Variants in SHISA7 observed in about 807,000 individuals in gnomAD.
SHISA7 encodes the protein protein shisa-7.
SHISA7 carries 6 observed loss-of-function variants against 23.9 expected under a neutral mutation model. The ratio of observed to expected loss-of-function variants is 0.25; its 90% CI spans 0.14 to 0.50. The LOEUF (loss-of-function observed/expected upper bound fraction) is 0.50, where lower values mean the gene tolerates loss of function less well. Ranked by LOEUF, SHISA7 falls within the 20% of genes least tolerant of loss-of-function variation. SHISA7 has a pLI of 0.98. For missense variants in SHISA7, 671 were observed against 801.1 expected, an observed-to-expected ratio of 0.84 and a Z score of 1.96; for synonymous variants, 386 against 398.3, an observed-to-expected ratio of 0.97 and a Z score of 0.37.
Position 55,430,833 on chromosome 19 carries a change from G to A in SHISA7, c.*2323C>T, listed in dbSNP as rs1568449107. On this transcript the variant is annotated 3_prime_UTR_variant, in exon 4 of 4. Transcript: ENST00000376325. ...TGGGAGAAGATGACACCAGGGTTAT[G>A]GTGGATACTAGTGGATGGTGACAGA... is the stretch of plus-strand genomic sequence containing the variant. 6.7e-6 allele frequency: 1 copy of A among 148,868 alleles called. No homozygotes were observed. The highest frequency in any genetic ancestry group is 2.0e-4 in the East Asian group (1 of 4,958). 9.2% of individuals were successfully genotyped at this position (148,868 alleles called of 1,614,324 possible).
chr19:55,442,282 G>A lies in SHISA7; in HGVS notation c.582C>T (p.Ser194=). ...STAYVVCGVI[S]FALAVGVGAK... is the part of the protein sequence containing the mutation. ...CGCCGACGCCCACGGCCAGGGCGAA[G>A]CTGATGACCCCGCACACGACGTAGG... The change falls in exon 1 of 4, where the codon AGC becomes AGT. Residue 194 remains serine (S), a synonymous_variant. Transcript: ENST00000376325. 6.5e-7 allele frequency: 1 copy of A among 1,533,158 alleles called. No individual in the cohort carries two copies. Among genetic ancestry groups the A allele is most frequent in the Middle Eastern group, 1.7e-4 (1 of 5,972 alleles). 95.0% of individuals were successfully genotyped at this position (1,533,158 alleles called of 1,614,324 possible). A position where few individuals can be genotyped will look rare whatever the true frequency, so the allele number is the denominator to read the frequency against.
intron 1 of SHISA7, among the ~76,000 whole-genome samples, chr19:55,441,744 A>G (rs1188917897): frequency 2.0e-5 from 3 of 152,254 alleles, no homozygotes; most frequent in Non-Finnish European, 2.9e-5. Context: ...CAACTCAGTT[A>G]ATTACAATCC....
chr19:55,433,400 G>C lies in SHISA7; in HGVS notation c.1373C>G (p.Pro458Arg). 3.8e-6 allele frequency: 5 copies of C among 1,326,114 alleles called. No homozygotes were observed. Among genetic ancestry groups the C allele is most frequent in the Non-Finnish European group, 4.8e-6 (5 of 1,046,582 alleles). The allele number at this position is 1,326,114 out of a possible 1,614,324, so 82.1% of individuals were successfully genotyped here. Residue 458 changes from proline to arginine, a missense_variant, in exon 4 of 4, where the codon CCC becomes CGC. Around this residue, in one of 5 missense-constraint regions of SHISA7, gnomAD observed 457 missense variants for 488.3 expected, o/e 0.94. Coordinates refer to ENST00000376325, the MANE Select transcript of SHISA7 (RefSeq NM_001145176.2). The surrounding 1 kb of genome is among the most constrained non-coding windows in gnomAD (Gnocchi z 8.4). ...AASHSNLLLG[P>R]GGPPTPLRGL... The stretch of plus-strand genomic sequence containing the variant: ...GCGCAGCGGTGTTGGGGGCCCCCCG[G>C]GCCCCAGCAGCAGGTTGGAGTGCGA...
chr19:55,435,335 T>G (rs1985424879), intron 3 of SHISA7, among the ~76,000 whole-genome samples: 1 of 129,932 alleles, frequency 7.7e-6, no homozygotes, highest in Non-Finnish European at 1.6e-5. Context: ...GTGTGTGGTG[T>G]GTGTGTATGG....
rs1985208711 is a variant in SHISA7, at chr19:55,431,554, G to A, written c.*1602C>T. 6.6e-6 allele frequency: 1 copy of A among 152,108 alleles called. No individual in the cohort carries two copies. The highest frequency in any genetic ancestry group is 6.5e-5 in the Admixed American group (1 of 15,276). The allele number at this position is 152,108 out of a possible 1,614,324, so 9.4% of individuals were successfully genotyped here. The stretch of plus-strand genomic sequence containing the variant: ...TGGAAGAAGATGATACCATAGTTGT[G>A]GGTCATAGGTAATCCTGGGGAAGGA... On this transcript the variant is annotated 3_prime_UTR_variant, in exon 4 of 4. Coordinates refer to ENST00000376325, the MANE Select transcript of SHISA7 (RefSeq NM_001145176.2).
In SHISA7 at chr19:55,437,610, C is replaced by A. The variant is rs887079496; in HGVS notation, c.971G>T (p.Arg324Met). Residue 324 changes from arginine to methionine, a missense_variant, in exon 3 of 4, where the codon AGG becomes ATG. Coordinates refer to ENST00000376325, the MANE Select transcript of SHISA7 (RefSeq NM_001145176.2). ...CTGCCCTTGCCAGGACTCACCCAGC[C>A]TCTTGAGGGAAGAGTAGCGGTTCAG... ...SELNRYSSLK[R>M]LAEKDLDEAY... 6.4e-7 allele frequency: 1 copy of A among 1,551,278 alleles called. No individual in the cohort carries two copies. The highest frequency in any genetic ancestry group is 1.2e-5 in the South Asian group (1 of 84,032).
At position 55,442,663 on chromosome 19, in the gene SHISA7, G is replaced by T; in HGVS notation, c.201C>A (p.Gly67=). ...GANGTRTGPA[G]GAGAAARAPP... is the part of the protein sequence containing the mutation. ...GCGCCCGGGCCGCCGCGCCCGCCCC[G>T]CCCGCGGGGCCGGTCCTGGTGCCGT... Residue 67 remains glycine, a synonymous_variant, in exon 1 of 4, where the codon GGC becomes GGA. Transcript: ENST00000376325. The T allele has an allele frequency of 3.2e-6, 4 of 1,255,044 alleles. No homozygotes were observed. In the South Asian group the frequency reaches 7.3e-5, roughly 23 times the overall value. 77.7% of individuals were successfully genotyped at this position (1,255,044 alleles called of 1,614,324 possible).
Position 55,442,320 on chromosome 19 carries a change from C to G in SHISA7, c.544G>C (p.Gly182Arg). Residue 182 changes from glycine to arginine, a missense_variant, in exon 1 of 4, where the codon GGG becomes CGG. Gly to Arg is a moderately radical substitution (Grantham distance 125). Coordinates refer to ENST00000376325, the MANE Select transcript of SHISA7 (RefSeq NM_001145176.2). ...GAGGRGGEGP[G>R]GSTAYVVCGV... ...CACACGACGTAGGCTGTGCTGCCCCCGGGGCCCTCGCCCCCGCGGCCCCCG... is the reference window on the plus strand; with the variant it reads ...CACACGACGTAGGCTGTGCTGCCCCGGGGGCCCTCGCCCCCGCGGCCCCCG... 1.3e-6 allele frequency: 2 copies of G among 1,496,956 alleles called. No individual in the cohort carries two copies. Among genetic ancestry groups the G allele is most frequent in the Non-Finnish European group, 8.9e-7 (1 of 1,129,708 alleles). 92.7% of individuals were successfully genotyped at this position (1,496,956 alleles called of 1,614,324 possible). A position where few individuals can be genotyped will look rare whatever the true frequency, so the allele number is the denominator to read the frequency against.
chr19:55,443,120 T>C lies in SHISA7; in HGVS notation c.-257A>G, dbSNP rs562846532. 1.4e-5 allele frequency among the ~76,000 whole-genome samples: 2 copies of C among 144,832 alleles called. No homozygotes were observed. The highest frequency in any genetic ancestry group is 1.5e-5 in the Non-Finnish European group (1 of 65,866). On this transcript the variant is annotated 5_prime_UTR_variant, in exon 1 of 4. Coordinates refer to ENST00000376325, the MANE Select transcript of SHISA7 (RefSeq NM_001145176.2). ...GCGGTGGGCGACGATGGGAGAGTAA[T>C]GGAAACGCGCCCGGGCACGGCTGGG... is the stretch of plus-strand genomic sequence containing the variant.
Position 55,432,972 on chromosome 19 carries a change from G to T in SHISA7, c.*184C>A. ...ATGACATCATGGGAAGGAGGCCTTGGCTCAAGCAGTGAAGTAATAGGAGGA... is the reference window on the plus strand; with the variant it reads ...ATGACATCATGGGAAGGAGGCCTTGTCTCAAGCAGTGAAGTAATAGGAGGA... On this transcript the variant is annotated 3_prime_UTR_variant, in exon 4 of 4. Coordinates refer to ENST00000376325, the MANE Select transcript of SHISA7 (RefSeq NM_001145176.2). The surrounding 1 kb of genome is among the most constrained non-coding windows in gnomAD (Gnocchi z 4.6). 1.4e-6 allele frequency: 1 copy of T among 732,194 alleles called. No homozygotes were observed. The highest frequency in any genetic ancestry group is 2.1e-6 in the Non-Finnish European group (1 of 486,136). The allele number at this position is 732,194 out of a possible 1,614,324, so 45.4% of individuals were successfully genotyped here.
At position 55,433,924 on chromosome 19, in the gene SHISA7, G is replaced by A; in HGVS notation, c.977-128C>T. ...CACAAGGATCCTGGGCATCAGGCTAGCTGTGAGGCCAAAATGCAGATTCCC... is the reference window on the plus strand; with the variant it reads ...CACAAGGATCCTGGGCATCAGGCTAACTGTGAGGCCAAAATGCAGATTCCC... On this transcript the variant is annotated intron_variant, in intron 3 of 3. Coordinates refer to ENST00000376325, the MANE Select transcript of SHISA7 (RefSeq NM_001145176.2). The surrounding 1 kb of genome is among the most constrained non-coding windows in gnomAD (Gnocchi z 8.4). The A allele has an allele frequency of 9.1e-7, 1 of 1,094,570 alleles. No homozygotes were observed. The highest frequency in any genetic ancestry group is 1.2e-6 in the Non-Finnish European group (1 of 839,080). 67.8% of individuals were successfully genotyped at this position (1,094,570 alleles called of 1,614,324 possible). A position where few individuals can be genotyped will look rare whatever the true frequency, so the allele number is the denominator to read the frequency against.
At position 55,433,808 on chromosome 19, in the gene SHISA7, G is replaced by A. The variant is rs1213082805; in HGVS notation, c.977-12C>T. 1.4e-6 allele frequency: 2 copies of A among 1,387,472 alleles called. No homozygotes were observed. Among genetic ancestry groups the A allele is most frequent in the Non-Finnish European group, 9.3e-7 (1 of 1,079,848 alleles). The allele number at this position is 1,387,472 out of a possible 1,614,324, so 85.9% of individuals were successfully genotyped here. On this transcript the variant is annotated splice_polypyrimidine_tract_variant and intron_variant, in intron 3 of 3. Coordinates refer to ENST00000376325, the MANE Select transcript of SHISA7 (RefSeq NM_001145176.2). This position sits in a 1 kb window ranked among gnomAD's most constrained non-coding sequence, Gnocchi z 8.4. ...CAGATCCTTCTCGGCTGCGGGGAGA[G>A]GGGGAAAAGCCACAGCCGTGGGTCC...
intron 3 of SHISA7, among the ~76,000 whole-genome samples, chr19:55,434,263 CGT>C (rs138123586): frequency 0.031 from 4,631 of 149,630 alleles, 244 homozygotes; most frequent in African/African-American, 0.11. Flanking sequence ...ACTGCAGACG[CGT>C]GTGTGTGTGT....
At position 55,438,082 on chromosome 19, in the gene SHISA7, C is replaced by T. The variant is rs185937634; in HGVS notation, c.827-328G>A. 5.4e-4 allele frequency among the ~76,000 whole-genome samples: 79 copies of T among 147,618 alleles called. No homozygotes were observed. The East Asian group carries it at 0.014, about 26-fold the overall frequency. On this transcript the variant is annotated intron_variant, in intron 2 of 3. Transcript: ENST00000376325. ...AGACCCAGGCGTCCAGGCCCCCAGC[C>T]CCTCCTCCCTCAGACCCAGGATCCA...
Position 55,433,567 on chromosome 19 carries a change from C to G in SHISA7, c.1206G>C (p.Leu402=). ...DGGRSRYEFT[L]PRARLVSQEH... ...CCTGCGACACCAGGCGCGCGCGCGGCAGCGTGAACTCGTAGCGCGAACGGC... is the reference window on the plus strand; with the variant it reads ...CCTGCGACACCAGGCGCGCGCGCGGGAGCGTGAACTCGTAGCGCGAACGGC... The change falls in exon 4 of 4, where the codon CTG becomes CTC. Residue 402 remains leucine, a synonymous_variant. Transcript: ENST00000376325. The surrounding 1 kb of genome is among the most constrained non-coding windows in gnomAD (Gnocchi z 8.4). The G allele has an allele frequency of 6.7e-7, 1 of 1,496,134 alleles. No individual in the cohort carries two copies. The highest frequency in any genetic ancestry group is 8.9e-7 in the Non-Finnish European group (1 of 1,128,974). The allele number at this position is 1,496,134 out of a possible 1,614,324, so 92.7% of individuals were successfully genotyped here. A position where few individuals can be genotyped will look rare whatever the true frequency, so the allele number is the denominator to read the frequency against.
intron 3 of SHISA7, among the ~76,000 whole-genome samples, chr19:55,434,757 TGTGTGTG>T (rs1204422688): frequency 4.1e-4 from 42 of 102,660 alleles, no homozygotes; most frequent in South Asian, 3.5e-3. Context: ...GTGTGTGTGG[TGTGTGTG>T]GTGTGTGGTG....
chr19:55,436,603 C>CAAA (rs35561645), intron 3 of SHISA7, among the ~76,000 whole-genome samples: 13 of 114,642 alleles, frequency 1.1e-4, no homozygotes, highest in African/African-American at 3.8e-4. Flanking sequence ...GACTCTGTCT[C>CAAA]AAAAAAAAAA....
intron 3 of SHISA7, among the ~76,000 whole-genome samples, chr19:55,435,589 CAAAAAAAAAAA>C (rs1160895563): frequency 2.8e-3 from 187 of 66,432 alleles, no homozygotes; most frequent in African/African-American, 9.7e-3. Flanking sequence ...TCCATCTCTA[CAAAAAAAAAAA>C]AAAAAAAAAA....
At chr19:55,437,319 G>GT (rs958810144) in intron 3 of SHISA7, among the ~76,000 whole-genome samples, 1 of 152,118 alleles carries the variant, frequency 6.6e-6, no homozygotes, top group Non-Finnish European at 1.5e-5. Flanking sequence ...AAGTCAACAT[G>GT]TTTTTTTCCT....
Sources: gnomAD v4.1 joint callset for allele counts (sites outside exome capture counted in the v4.1 genomes callset) on GRCh38, gnomAD v4.1.1 for gene constraint, gnomAD v4.1.1 regional missense constraint, Gnocchi (gnomAD v3.1) non-coding constraint, MANE v1.5 for transcripts, NCBI Gene and HGNC (gene_info 2026-07-23, HGNC 2026-07-21) for gene names.